Variants in KLHL2 observed in about 807,000 individuals in gnomAD.
KLHL2 encodes the protein kelch like family member 2, also known as kelch-like protein 2.
KLHL2 carries 15 observed loss-of-function variants against 75.8 expected under a neutral mutation model. The observed-to-expected ratio is 0.20, with a 90% CI of 0.13 to 0.30. The LOEUF is 0.30. Among genes scored for constraint, KLHL2 ranks in the 10% least tolerant of loss-of-function variants. The probability of loss-of-function intolerance (pLI) is 1.00; values close to 1 mark genes in which losing one functional copy is unlikely to be tolerated. For synonymous variants in KLHL2, 214 were observed against 251.9 expected, an observed-to-expected ratio of 0.85 and a Z score of 1.42; for missense variants, 381 against 741.0, an observed-to-expected ratio of 0.51 and a Z score of 5.64.
chr4:165,250,805 T>G (rs1460424693), intron 4 of KLHL2, among the ~76,000 whole-genome samples: 2 of 152,056 alleles, frequency 1.3e-5, no homozygotes, highest in African/African-American at 4.8e-5. Flanking sequence ...TCCTATGACT[T>G]TTCCTTCCCT....
intron 4 of KLHL2, among the ~76,000 whole-genome samples, chr4:165,258,600 T>C (rs867539282): frequency 2.6e-5 from 4 of 152,170 alleles, no homozygotes; most frequent in Admixed American, 6.5e-5. Context: ...AAAATAAGTT[T>C]CAAAGACATA....
rs1743593154 is a variant in KLHL2, at chr4:165,280,645, C to G, written c.545-13714C>G. Reference sequence around the variant, plus strand: ...CTGTGAAAGCACTTGATACACAGCACTTTTTAGCTGAAGTCATGCCAACTC... The same window carrying G: ...CTGTGAAAGCACTTGATACACAGCAGTTTTTAGCTGAAGTCATGCCAACTC... On this transcript the variant is annotated intron_variant, in intron 5 of 14. Transcript: ENST00000226725. Among the ~76,000 whole-genome samples the G allele has an allele frequency of 5.9e-5, 9 of 152,340 alleles. No individual in the cohort carries two copies. In the South Asian group the frequency reaches 1.9e-3, roughly 32 times the overall value.
intron 3 of KLHL2, 133 bp downstream of exon 3, chr4:165,229,046 T>G (rs1018543668): frequency 3.4e-6 from 2 of 595,426 alleles, no homozygotes; most frequent in African/African-American, 3.7e-5. Flanking sequence ...ATGTTCTTGC[T>G]TTGTTCCAAA....
intron 8 of KLHL2, among the ~76,000 whole-genome samples, chr4:165,303,461 C>T (rs35068327): frequency 0.06 from 8,995 of 149,460 alleles, 536 homozygotes; most frequent in African/African-American, 0.15. Flanking sequence ...TTTATCTTAA[C>T]ATGCATCCCA....
intron 4 of KLHL2, among the ~76,000 whole-genome samples, chr4:165,261,805 T>TA (rs1237359908): frequency 1.3e-5 from 2 of 152,234 alleles, no homozygotes; most frequent in African/African-American, 4.8e-5. Context: ...GTTTAGGACT[T>TA]ACTCCATAGA....
chr4:165,221,489 CAG>C (rs1235228683), intron 2 of KLHL2, among the ~76,000 whole-genome samples: 5 of 152,124 alleles, frequency 3.3e-5, no homozygotes, highest in African/African-American at 9.7e-5. Flanking sequence ...GAGGAACTGA[CAG>C]TGTTGCTGCA....
chr4:165,246,333 A>G (rs1338168268), intron 4 of KLHL2, among the ~76,000 whole-genome samples: 3 of 152,098 alleles, frequency 2.0e-5, no homozygotes, highest in Non-Finnish European at 4.4e-5. Flanking sequence ...GTGGGTTTGT[A>G]GACTATGATA....
intron 1 of KLHL2, among the ~76,000 whole-genome samples, chr4:165,218,438 T>A (rs532727134): frequency 1.3e-5 from 2 of 152,130 alleles, no homozygotes; most frequent in Non-Finnish European, 2.9e-5. Flanking sequence ...CACCCCCTAG[T>A]CTTTTGTTCA....
chr4:165,237,639 T>C (rs1468695593), intron 3 of KLHL2, among the ~76,000 whole-genome samples: 1 of 152,198 alleles, frequency 6.6e-6, no homozygotes, highest in Non-Finnish European at 1.5e-5. Context: ...TGACAGTGCA[T>C]TGTATCAGAA....
At chr4:165,260,841 T>A (rs1160316480) in intron 4 of KLHL2, among the ~76,000 whole-genome samples, 2 of 152,214 alleles carry the variant, frequency 1.3e-5, no homozygotes, top group Non-Finnish European at 2.9e-5. Context: ...ATAGGTTAAA[T>A]TGCTGGGTCA....
chr4:165,244,423 T>G (rs536543818), intron 4 of KLHL2, among the ~76,000 whole-genome samples: 44 of 152,310 alleles, frequency 2.9e-4, no homozygotes, highest in Middle Eastern at 6.8e-3. Context: ...TGGAGAGAAT[T>G]GGTTCATCAG....
At chr4:165,238,628 G>A (rs1329606910) in intron 3 of KLHL2, 150 bp from the exon 4 acceptor site, 1 of 1,455,474 alleles carries the variant, frequency 6.9e-7, no homozygotes, top group East Asian at 2.5e-5. Flanking sequence ...GGAAGAGGAA[G>A]GGGGGAGTAT....
At chr4:165,244,451 AT>A (rs1247502979) in intron 4 of KLHL2, among the ~76,000 whole-genome samples, 2 of 152,218 alleles carry the variant, frequency 1.3e-5, no homozygotes, top group East Asian at 3.8e-4. Flanking sequence ...GGTAAAGTAG[AT>A]TTTGGTGAAG....
chr4:165,315,014 G>T (rs1746487359), intron 13 of KLHL2, among the ~76,000 whole-genome samples: 1 of 152,108 alleles, frequency 6.6e-6, no homozygotes, highest in Non-Finnish European at 1.5e-5. Flanking sequence ...GATACTGTTG[G>T]CAGCAGACCA....
At chr4:165,215,901 A>T (rs923008035) in intron 1 of KLHL2, among the ~76,000 whole-genome samples, 1 of 152,100 alleles carries the variant, frequency 6.6e-6, no homozygotes, top group African/African-American at 2.4e-5. Flanking sequence ...GCCATCATGT[A>T]TGTATAGCTA....
chr4:165,231,821 A>C (rs1190048680), intron 3 of KLHL2, among the ~76,000 whole-genome samples: 1 of 152,202 alleles, frequency 6.6e-6, no homozygotes, highest in East Asian at 1.9e-4. Flanking sequence ...ATACTTAAAA[A>C]ATTCTGCTAA....
At chr4:165,209,238 G>A (rs1737042071) in intron 1 of KLHL2, among the ~76,000 whole-genome samples, 1 of 152,168 alleles carries the variant, frequency 6.6e-6, no homozygotes, top group Non-Finnish European at 1.5e-5. Context: ...ATATGATGGT[G>A]GATGGTTCAC....
chr4:165,310,805 G>T, intron 10 of KLHL2, 55 bp downstream of exon 10: 10 of 1,296,478 alleles, frequency 7.7e-6, no homozygotes, highest in Admixed American at 1.7e-5. Flanking sequence ...TAGTAGTCAT[G>T]TTTATGGAAT....
At chr4:165,298,070 G>A (rs112730769) in intron 7 of KLHL2, among the ~76,000 whole-genome samples, 37,334 of 152,052 alleles carry the variant, frequency 0.25, 5,239 homozygotes, top group Middle Eastern at 0.34. Flanking sequence ...TGATCTACCC[G>A]CCTCGGCCTC....
Sources: gnomAD v4.1 joint callset for allele counts (sites outside exome capture counted in the v4.1 genomes callset) on GRCh38, gnomAD v4.1.1 for gene constraint, MANE v1.5 for transcripts, NCBI Gene and HGNC (gene_info 2026-07-23, HGNC 2026-07-21) for gene names.